The following RPS6KA2 variants were observed in gnomAD, a reference collection of about 807,000 sequenced individuals.
RPS6KA2 encodes ribosomal protein S6 kinase alpha-2.
In RPS6KA2, 42 loss-of-function variants were observed where a neutral mutation model predicts 91.8. The ratio of observed to expected loss-of-function variants is 0.46; its 90% CI spans 0.36 to 0.59. RPS6KA2 has a LOEUF of 0.59. Among genes scored for constraint, RPS6KA2 ranks in the 20% least tolerant of loss-of-function variants. The probability of loss-of-function intolerance (pLI) is 0.00; values close to 1 mark genes in which losing one functional copy is unlikely to be tolerated. For missense variants in RPS6KA2, 798 were observed against 978.5 expected, an observed-to-expected ratio of 0.82 and a Z score of 2.46; for synonymous variants, 414 against 393.6, an observed-to-expected ratio of 1.05 and a Z score of -0.61.
chr6:166,550,964 C>T (rs1784000174), intron 1 of RPS6KA2, among the ~76,000 whole-genome samples: 1 of 136,556 alleles, frequency 7.3e-6, no homozygotes, highest in Non-Finnish European at 1.5e-5. Flanking sequence ...TCACGACACT[C>T]CAGCCTGGCA....
At chr6:166,796,736 G>GCAGTCCTGAGTGCGACTGCA (rs1562444639) in intron 2 of RPS6KA2, among the ~76,000 whole-genome samples, 1 of 152,090 alleles carries the variant, frequency 6.6e-6, no homozygotes, top group Non-Finnish European at 1.5e-5. Flanking sequence ...TCAAAACTAC[G>GCAGTCCTGAGTGCGACTGCA]CAGTCCTGAG....
At position 166,508,809 on chromosome 6, in the gene RPS6KA2, G is replaced by C. The variant is rs1338053473; in HGVS notation, c.380-527C>G. On this transcript the variant is annotated intron_variant, in intron 4 of 20. Coordinates refer to ENST00000265678, the MANE Select transcript of RPS6KA2 (RefSeq NM_021135.6). This position sits in a 1 kb window ranked among gnomAD's most constrained non-coding sequence, Gnocchi z 4.3. Reference sequence around the variant, plus strand: ...CCAGTTATTTGAACATCAACAATGGGGCTCACGTCCTAGGTCTGGTCACTG... The same window carrying C: ...CCAGTTATTTGAACATCAACAATGGCGCTCACGTCCTAGGTCTGGTCACTG... Among the ~76,000 whole-genome samples the C allele has an allele frequency of 2.0e-5, 3 of 152,120 alleles. No individual in the cohort carries two copies. Among genetic ancestry groups the C allele is most frequent in the Non-Finnish European group, 4.4e-5 (3 of 68,014 alleles).
At chr6:166,655,701 A>G (rs1480937938) in intron 2 of RPS6KA2, among the ~76,000 whole-genome samples, 1 of 152,238 alleles carries the variant, frequency 6.6e-6, no homozygotes, top group Admixed American at 6.5e-5. Context: ...TCTCATAGCT[A>G]GTAAGATCTT....
At chr6:166,579,616 T>C (rs895416425) in intron 1 of RPS6KA2, among the ~76,000 whole-genome samples, 1 of 152,226 alleles carries the variant, frequency 6.6e-6, no homozygotes, top group African/African-American at 2.4e-5. Flanking sequence ...ATGAAACTGG[T>C]GTATTCAAGA....
intron 2 of RPS6KA2, among the ~76,000 whole-genome samples, chr6:166,829,734 C>CCA (rs1780135899): frequency 6.6e-6 from 1 of 152,078 alleles, no homozygotes. Flanking sequence ...TGGAAGCAAC[C>CCA]CAATGGTCCA....
chr6:166,428,324 A>C (rs1436488415), intron 16 of RPS6KA2, among the ~76,000 whole-genome samples: 11 of 147,818 alleles, frequency 7.4e-5, no homozygotes, highest in Non-Finnish European at 1.0e-4. Context: ...TAAAGACTTA[A>C]ATGTTAGACC....
In RPS6KA2 at chr6:166,419,758, A is replaced by G. The variant is rs1322695654; in HGVS notation, c.1820+124T>C. 2 of 747,092 alleles carry G rather than the reference A, an allele frequency of 2.7e-6. No individual in the cohort carries two copies. Among genetic ancestry groups the G allele is most frequent in the Admixed American group, 2.1e-5 (1 of 46,980 alleles). The allele number at this position is 747,092 out of a possible 1,614,324, so 46.3% of individuals were successfully genotyped here. Reference sequence around the variant, plus strand: ...TCACTCAAGGCCTGGGAGTGTTTGCATACACGTTGGGTTTGCCCACATGCG... The same window carrying G: ...TCACTCAAGGCCTGGGAGTGTTTGCGTACACGTTGGGTTTGCCCACATGCG... On this transcript the variant is annotated intron_variant, in intron 18 of 20. Coordinates refer to ENST00000265678, the MANE Select transcript of RPS6KA2 (RefSeq NM_021135.6). This position sits in a 1 kb window ranked among gnomAD's most constrained non-coding sequence, Gnocchi z 5.6.
chr6:166,634,072 A>G (rs1227696907), intron 2 of RPS6KA2, among the ~76,000 whole-genome samples: 2 of 152,146 alleles, frequency 1.3e-5, no homozygotes, highest in African/African-American at 4.8e-5. Flanking sequence ...GGCAGAGGGA[A>G]TGACGTTTGT....
intron 1 of RPS6KA2, among the ~76,000 whole-genome samples, chr6:166,560,758 G>T (rs1483753538): frequency 6.6e-6 from 1 of 152,104 alleles, no homozygotes; most frequent in Non-Finnish European, 1.5e-5. Context: ...GTGAACAGGA[G>T]GACTGGCTTC....
At chr6:166,650,519 G>C (rs1787820404) in intron 2 of RPS6KA2, among the ~76,000 whole-genome samples, 1 of 151,964 alleles carries the variant, frequency 6.6e-6, no homozygotes, top group Admixed American at 6.6e-5. Flanking sequence ...AGAAGGAGGA[G>C]GGGTCCGTGT....
chr6:166,808,141 T>G (rs1389848941), intron 2 of RPS6KA2, among the ~76,000 whole-genome samples: 2 of 152,210 alleles, frequency 1.3e-5, no homozygotes, highest in Non-Finnish European at 2.9e-5. Flanking sequence ...CTCCCCGTGG[T>G]GCTCCCTGGA....
chr6:166,855,365 T>TGAA (rs61474192), intron 2 of RPS6KA2, among the ~76,000 whole-genome samples: 89,213 of 145,022 alleles, frequency 0.62, 29,978 homozygotes, highest in Non-Finnish European at 0.75. Flanking sequence ...AAGATGAAGA[T>TGAA]GAAGAAGAAG....
intron 2 of RPS6KA2, among the ~76,000 whole-genome samples, chr6:166,532,668 C>T (rs1205699387): frequency 2.6e-5 from 4 of 152,150 alleles, no homozygotes; most frequent in South Asian, 2.1e-4. Context: ...GGGTGCAGGA[C>T]GGTACAGCAT....
chr6:166,821,917 C>A lies in RPS6KA2; in HGVS notation c.123+36283G>T, dbSNP rs1779914673. ...TCAGTTAACGGCACACTCAGATGTT[C>A]AGGTTCAACACTGGGCACCATCCTG... On this transcript the variant is annotated intron_variant, in intron 2 of 21. Coordinates refer to the RPS6KA2 transcript ENST00000503859. This position sits in a 1 kb window ranked among gnomAD's most constrained non-coding sequence, Gnocchi z 4.1. Among the ~76,000 whole-genome samples, 1 of 152,212 alleles carries A rather than the reference C, an allele frequency of 6.6e-6. No homozygotes were observed. Among genetic ancestry groups the A allele is most frequent in the Non-Finnish European group, 1.5e-5 (1 of 68,040 alleles).
At chr6:166,507,569 C>G (rs1434212076) in intron 5 of RPS6KA2, among the ~76,000 whole-genome samples, 1 of 151,070 alleles carries the variant, frequency 6.6e-6, no homozygotes, top group African/African-American at 2.4e-5. Flanking sequence ...CACAAACACA[C>G]CCCACACATA....
At chr6:166,478,220 C>T (rs958702898) in intron 10 of RPS6KA2, among the ~76,000 whole-genome samples, 18 of 152,310 alleles carry the variant, frequency 1.2e-4, no homozygotes, top group Admixed American at 1.1e-3. Flanking sequence ...TGAGGCGGCA[C>T]GTCCCTTGCA....
rs138847931 is a variant in RPS6KA2, at chr6:166,737,347, T to C, written c.123+120853A>G. Among the ~76,000 whole-genome samples the C allele has an allele frequency of 7.5e-3, 1,139 of 152,322 alleles. 5 individuals carry two copies. Among genetic ancestry groups the C allele is most frequent in the Non-Finnish European group, 0.013 (887 of 68,036 alleles). Reference sequence around the variant, plus strand: ...CCCCAGCGGCAGCCTGGTGTGATAATTGGTAGGTAACCAGTTTGCTTTTCA... The same window carrying C: ...CCCCAGCGGCAGCCTGGTGTGATAACTGGTAGGTAACCAGTTTGCTTTTCA... On this transcript the variant is annotated intron_variant, in intron 2 of 21. Coordinates refer to the RPS6KA2 transcript ENST00000503859. The surrounding 1 kb of genome is among the most constrained non-coding windows in gnomAD (Gnocchi z 4.3).
chr6:166,771,648 G>T (rs1778475488), intron 2 of RPS6KA2, among the ~76,000 whole-genome samples: 1 of 152,064 alleles, frequency 6.6e-6, no homozygotes, highest in Non-Finnish European at 1.5e-5. Context: ...CTGTTCCTTG[G>T]CTCATACCCA....
chr6:166,476,698 T>G (rs1181091929), intron 10 of RPS6KA2, among the ~76,000 whole-genome samples: 1 of 151,728 alleles, frequency 6.6e-6, no homozygotes, highest in Non-Finnish European at 1.5e-5. Context: ...AGTCTACAGC[T>G]CGAGGGGACT....
Sources: allele counts gnomAD v4.1 joint callset (sites outside exome capture counted in the v4.1 genomes callset), GRCh38; gene constraint gnomAD v4.1.1; non-coding constraint Gnocchi (gnomAD v3.1); transcripts MANE v1.5; gene names NCBI Gene and HGNC (gene_info 2026-07-23, HGNC 2026-07-21).